Variants in SH3PXD2A observed in about 807,000 individuals in gnomAD.
The protein encoded by SH3PXD2A is SH3 and PX domains 2A, also known as SH3 and PX domain-containing protein 2A.
SH3PXD2A carries 32 observed loss-of-function variants against 115.2 expected under a neutral mutation model. The observed-to-expected ratio is 0.28, with a 90% confidence interval of 0.21 to 0.37. The LOEUF (loss-of-function observed/expected upper bound fraction) is 0.37. SH3PXD2A is among the 10% of genes least tolerant of loss of function. The pLI, the probability that SH3PXD2A is intolerant of heterozygous loss-of-function variation, is 1.00. For missense variants in SH3PXD2A, 1,328 were observed against 1,498.7 expected, an observed-to-expected ratio of 0.89 and a Z score of 1.88; for synonymous variants, 610 against 629.1, an observed-to-expected ratio of 0.97 and a Z score of 0.45.
intron 8 of SH3PXD2A, among the ~76,000 whole-genome samples, chr10:103,658,043 C>T (rs746472): frequency 6.6e-6 from 1 of 152,354 alleles, no homozygotes; most frequent in South Asian, 2.1e-4. Flanking sequence ...TGGTTAAACT[C>T]CCTTCTACTG....
At chr10:103,615,575 G>A (rs537089235) in intron 11 of SH3PXD2A, among the ~76,000 whole-genome samples, 3 of 149,318 alleles carry the variant, frequency 2.0e-5, no homozygotes, top group East Asian at 2.0e-4. Flanking sequence ...GAGGATCAAC[G>A]TAGAGCCTGG....
intron 3 of SH3PXD2A, among the ~76,000 whole-genome samples, chr10:103,741,093 A>G (rs2038439386): frequency 6.6e-6 from 1 of 152,214 alleles, no homozygotes; most frequent in South Asian, 2.1e-4. Context: ...TGCCTAGAGA[A>G]GAATTTAGAG....
rs145422299 is a variant in SH3PXD2A at position 103,834,605 on chromosome 10, G to A, written c.72+20590C>T. On this transcript the variant is annotated intron_variant, in intron 1 of 14. Coordinates refer to ENST00000369774, the MANE Select transcript of SH3PXD2A (RefSeq NM_001394015.1). Reference sequence around the variant, plus strand: ...TCTCAATAAAGCTGTTCCAAAAAGGGAGGGAGCCAACTGCTTCGGCATGGG... The same window carrying A: ...TCTCAATAAAGCTGTTCCAAAAAGGAAGGGAGCCAACTGCTTCGGCATGGG... Among the ~76,000 whole-genome samples the A allele has an allele frequency of 2.4e-3, 363 of 152,370 alleles. 1 individual carries two copies. Among genetic ancestry groups the A allele is most frequent in the African/African-American group, 8.4e-3 (348 of 41,580 alleles).
chr10:103,838,560 T>C (rs2039567810), intron 1 of SH3PXD2A, among the ~76,000 whole-genome samples: 1 of 144,660 alleles, frequency 6.9e-6, no homozygotes, highest in Non-Finnish European at 1.6e-5. Context: ...TTCTCTTCAC[T>C]AATGTGTCAG....
At chr10:103,718,472 G>T (rs2038134045) in intron 5 of SH3PXD2A, among the ~76,000 whole-genome samples, 3 of 147,494 alleles carry the variant, frequency 2.0e-5, no homozygotes, top group African/African-American at 5.1e-5. Flanking sequence ...CCTTATGACT[G>T]CAGGGCAAAG....
chr10:103,677,079 C>A (rs115122066), intron 6 of SH3PXD2A, among the ~76,000 whole-genome samples: 1 of 152,156 alleles, frequency 6.6e-6, no homozygotes, highest in African/African-American at 2.4e-5. Context: ...CCCTGAGAGC[C>A]GCGAGTGAGT....
intron 5 of SH3PXD2A, among the ~76,000 whole-genome samples, chr10:103,711,416 G>T (rs2134157181): frequency 6.6e-6 from 1 of 152,256 alleles, no homozygotes; most frequent in East Asian, 1.9e-4. Context: ...CTGGGGTTGG[G>T]GATGAAGTTC....
intron 3 of SH3PXD2A, among the ~76,000 whole-genome samples, chr10:103,758,110 G>A (rs1295251485): frequency 1.3e-5 from 2 of 152,360 alleles, no homozygotes; most frequent in East Asian, 3.9e-4. Context: ...GAGTCCGTGT[G>A]ACTGGGCCAG....
chr10:103,636,887 A>G (rs945545293), intron 8 of SH3PXD2A, among the ~76,000 whole-genome samples: 1 of 151,972 alleles, frequency 6.6e-6, no homozygotes, highest in African/African-American at 2.4e-5. Context: ...TCCTAGACAG[A>G]CCTCGGTTAG....
chr10:103,802,863 T>G (rs1052673903), intron 1 of SH3PXD2A, among the ~76,000 whole-genome samples: 22 of 152,114 alleles, frequency 1.4e-4, no homozygotes, highest in African/African-American at 5.1e-4. Flanking sequence ...CTAGTCACTG[T>G]GTCCTGTAGG....
chr10:103,644,963 T>A (rs2037014058), intron 8 of SH3PXD2A, among the ~76,000 whole-genome samples: 1 of 152,158 alleles, frequency 6.6e-6, no homozygotes, highest in South Asian at 2.1e-4. Flanking sequence ...TGAATGCACA[T>A]GCAGCAGGGT....
chr10:103,747,469 G>A (rs902536442), intron 3 of SH3PXD2A, among the ~76,000 whole-genome samples: 1 of 152,162 alleles, frequency 6.6e-6, no homozygotes, highest in African/African-American at 2.4e-5. Context: ...ACGGTGGGAC[G>A]CTGGGCAGAG....
chr10:103,691,032 C>A (rs2037743096), intron 6 of SH3PXD2A, among the ~76,000 whole-genome samples: 1 of 152,194 alleles, frequency 6.6e-6, no homozygotes, highest in African/African-American at 2.4e-5. Flanking sequence ...TGTGGCCCTG[C>A]ATTGCTTAGG....
At chr10:103,695,319 A>G (rs1345140843) in intron 5 of SH3PXD2A, among the ~76,000 whole-genome samples, 1 of 152,056 alleles carries the variant, frequency 6.6e-6, no homozygotes, top group African/African-American at 2.4e-5. Flanking sequence ...AGACCAGCCT[A>G]GGCAACATAG....
intron 1 of SH3PXD2A, among the ~76,000 whole-genome samples, chr10:103,814,013 AAAC>A (rs1564895790): frequency 6.9e-5 from 8 of 116,612 alleles, no homozygotes; most frequent in Non-Finnish European, 1.4e-4. Context: ...AAAAAAAAAA[AAAC>A]AACAAAAAAA....
intron 7 of SH3PXD2A, among the ~76,000 whole-genome samples, chr10:103,663,650 G>A (rs1490647451): frequency 6.6e-6 from 1 of 152,260 alleles, no homozygotes; most frequent in Non-Finnish European, 1.5e-5. Flanking sequence ...TGGTGCTTGT[G>A]TGCACCCAGG....
chr10:103,794,576 C>G (rs6584570), intron 2 of SH3PXD2A, among the ~76,000 whole-genome samples: 125,225 of 152,124 alleles, frequency 0.82, 52,188 homozygotes, highest in East Asian at 1. Flanking sequence ...TCCAGCCACC[C>G]GTGAGAAAGC....
At chr10:103,818,532 G>A (rs2039346506) in intron 1 of SH3PXD2A, among the ~76,000 whole-genome samples, 1 of 152,130 alleles carries the variant, frequency 6.6e-6, no homozygotes. Flanking sequence ...AAAATATCCT[G>A]CTCTCTTTGC....
chr10:103,730,345 C>T (rs762052889), intron 4 of SH3PXD2A, among the ~76,000 whole-genome samples: 14 of 151,098 alleles, frequency 9.3e-5, no homozygotes, highest in Non-Finnish European at 1.6e-4. Context: ...AGCCCGGCCG[C>T]GCTGGGTGGA....
Sources: gnomAD v4.1 joint callset for allele counts (sites outside exome capture counted in the v4.1 genomes callset) on GRCh38, gnomAD v4.1.1 for gene constraint, MANE v1.5 for transcripts, NCBI Gene and HGNC (gene_info 2026-07-23, HGNC 2026-07-21) for gene names.